FAM222A: variants seen among roughly 807,000 people sequenced by gnomAD.
FAM222A encodes protein FAM222A.
FAM222A carries 7 observed loss-of-function variants against 25.8 expected under a neutral mutation model. That is an observed-to-expected ratio of 0.27 (90% CI 0.15 to 0.51). The LOEUF is 0.51. FAM222A is among the 20% of genes least tolerant of loss of function. FAM222A has a pLI of 0.97. For synonymous variants in FAM222A, 294 were observed against 298.8 expected (o/e 0.98, Z 0.17); for missense variants, 573 against 640.5 (o/e 0.89, Z 1.14).
Position 109,768,897 on chromosome 12 carries a change from G to T in FAM222A, c.968G>T (p.Arg323Leu). 1 of 1,581,546 alleles carries T rather than the reference G, an allele frequency of 6.3e-7. No individual in the cohort carries two copies. The highest frequency in any genetic ancestry group is 8.5e-7 in the Non-Finnish European group (1 of 1,171,466). ...GCTTGCGGGGGCCGGGCATACGAGCGGGCCAGCGGGTCACCCCTCAACTGT... is the reference window on the plus strand; with the variant it reads ...GCTTGCGGGGGCCGGGCATACGAGCTGGCCAGCGGGTCACCCCTCAACTGT... ...PEACGGRAYE[R>L]ASGSPLNCGV... Residue 323 changes from arginine to leucine, a missense_variant, in exon 3 of 3, where the codon CGG becomes CTG. This residue lies in a region of FAM222A where 412 missense variants were observed against 407.0 expected (regional missense o/e 1.01). Transcript: ENST00000538780.
chr12:109,760,689 G>A (rs1034849710), intron 2 of FAM222A, among the ~76,000 whole-genome samples: 7 of 152,200 alleles, frequency 4.6e-5, no homozygotes, highest in Admixed American at 6.5e-5. Flanking sequence ...CTCCTTGAAC[G>A]TCTGACCTCT....
intron 2 of FAM222A, among the ~76,000 whole-genome samples, chr12:109,752,755 G>C (rs984211383): frequency 2.0e-5 from 3 of 152,174 alleles, no homozygotes; most frequent in African/African-American, 7.2e-5. Context: ...TGAGACCCCT[G>C]TCTCCCTTTT....
intron 2 of FAM222A, among the ~76,000 whole-genome samples, chr12:109,751,822 G>A (rs1027159886): frequency 1.3e-5 from 2 of 152,150 alleles, no homozygotes; most frequent in African/African-American, 2.4e-5. Flanking sequence ...AAATCTGTAG[G>A]TGTGGCCCTT....
chr12:109,719,414 C>T (rs918469637), intron 1 of FAM222A, among the ~76,000 whole-genome samples: 1 of 152,156 alleles, frequency 6.6e-6, no homozygotes, highest in Admixed American at 6.5e-5. Context: ...TGGTTCCATT[C>T]GGTAAAACCA....
intron 1 of FAM222A, among the ~76,000 whole-genome samples, chr12:109,732,438 T>C (rs1887966211): frequency 6.6e-6 from 1 of 152,258 alleles, no homozygotes. Flanking sequence ...CCTGGGCTCC[T>C]GGACGCCACC....
At chr12:109,716,706 C>T (rs1216569785) in intron 1 of FAM222A, among the ~76,000 whole-genome samples, 1 of 152,222 alleles carries the variant, frequency 6.6e-6, no homozygotes, top group African/African-American at 2.4e-5. Flanking sequence ...GTTGGAGGCC[C>T]TCTGCCGAGT....
chr12:109,765,890 C>T (rs1889035027), intron 2 of FAM222A, among the ~76,000 whole-genome samples: 1 of 152,208 alleles, frequency 6.6e-6, no homozygotes, highest in Non-Finnish European at 1.5e-5. Context: ...TACTCACGCT[C>T]ACAGAACACC....
intron 1 of FAM222A, among the ~76,000 whole-genome samples, chr12:109,743,083 A>T (rs1409906161): frequency 6.6e-6 from 1 of 151,956 alleles, no homozygotes; most frequent in Non-Finnish European, 1.5e-5. Context: ...AGTGGTGGGG[A>T]CAGGGTGCCC....
intron 1 of FAM222A, among the ~76,000 whole-genome samples, chr12:109,735,388 G>C (rs1888058804): frequency 6.6e-6 from 1 of 152,206 alleles, no homozygotes; most frequent in African/African-American, 2.4e-5. Flanking sequence ...TTGTGGCGTG[G>C]GTTACGTGAG....
intron 1 of FAM222A, among the ~76,000 whole-genome samples, chr12:109,723,712 C>A (rs574922986): frequency 6.6e-6 from 1 of 152,228 alleles, no homozygotes; most frequent in African/African-American, 2.4e-5. Context: ...GCTGTGATGC[C>A]GCATCGCATC....
intron 2 of FAM222A, among the ~76,000 whole-genome samples, chr12:109,763,161 T>TTGCCCTGCCTC (rs1888947093): frequency 6.6e-6 from 1 of 152,186 alleles, no homozygotes; most frequent in Non-Finnish European, 1.5e-5. Context: ...GCCCCTGGCT[T>TTGCCCTGCCTC]TGCCCTGCCT....
chr12:109,719,145 ACAGTCAGGAAT>A (rs1887703615), intron 1 of FAM222A, among the ~76,000 whole-genome samples: 1 of 152,244 alleles, frequency 6.6e-6, no homozygotes, highest in South Asian at 2.1e-4. Flanking sequence ...TCCAGTGGTC[ACAGTCAGGAAT>A]CATGTAATCA....
At chr12:109,728,973 T>TAAAA (rs57626981) in intron 1 of FAM222A, among the ~76,000 whole-genome samples, 3 of 147,846 alleles carry the variant, frequency 2.0e-5, no homozygotes, top group African/African-American at 5.0e-5. Flanking sequence ...GGGTTACAGG[T>TAAAA]AAAAAAAAAA....
chr12:109,736,770 A>C (rs749096847), intron 1 of FAM222A, among the ~76,000 whole-genome samples: 3 of 152,140 alleles, frequency 2.0e-5, no homozygotes, highest in Non-Finnish European at 4.4e-5. Context: ...GACTGACATC[A>C]CTATGCTCTC....
intron 1 of FAM222A, among the ~76,000 whole-genome samples, chr12:109,726,496 A>G (rs1000294980): frequency 2.1e-4 from 32 of 152,314 alleles, no homozygotes; most frequent in African/African-American, 7.7e-4. Flanking sequence ...GCCTGTAACC[A>G]TTGTACCATC....
At chr12:109,745,429 G>A (rs539341817) in intron 2 of FAM222A, among the ~76,000 whole-genome samples, 18 of 152,302 alleles carry the variant, frequency 1.2e-4, no homozygotes, top group Admixed American at 2.6e-4. Flanking sequence ...GATGTGTCAC[G>A]AGGATGTGGA....
intron 1 of FAM222A, among the ~76,000 whole-genome samples, chr12:109,731,332 G>A (rs1440478797): frequency 2.0e-5 from 3 of 152,072 alleles, no homozygotes; most frequent in Admixed American, 6.5e-5. Context: ...GGCTGGTCCT[G>A]TGGGACATTG....
chr12:109,757,474 C>T (rs1379702615), intron 2 of FAM222A, among the ~76,000 whole-genome samples: 1 of 152,164 alleles, frequency 6.6e-6, no homozygotes, highest in Non-Finnish European at 1.5e-5. Flanking sequence ...TGGTTATCCA[C>T]AGGGAATAAG....
rs1463151315 is a variant in FAM222A at position 109,713,847 on chromosome 12, G to A, written c.-1097G>A. 1.3e-5 allele frequency among the ~76,000 whole-genome samples: 2 copies of A among 150,278 alleles called. No homozygotes were observed. The highest frequency in any genetic ancestry group is 3.0e-5 in the Non-Finnish European group (2 of 67,374). ...GTCAGTCGGGCCAGAGCGGAGCAGC[G>A]GGCAGGACTGCCTGGCCGGCTGCTC... is the stretch of plus-strand genomic sequence containing the variant. On this transcript the variant is annotated 5_prime_UTR_variant, in exon 1 of 3. Transcript: ENST00000538780.
Sources: allele counts gnomAD v4.1 joint callset (sites outside exome capture counted in the v4.1 genomes callset), GRCh38; gene constraint gnomAD v4.1.1; regional missense constraint gnomAD v4.1.1; transcripts MANE v1.5; gene names NCBI Gene and HGNC (gene_info 2026-07-23, HGNC 2026-07-21).